Variants in PCDHGB7 observed in about 807,000 individuals in gnomAD.
The protein encoded by PCDHGB7 is protocadherin gamma-B7.
Under a neutral mutation model 61.4 loss-of-function variants are expected in PCDHGB7, and 37 were observed. The observed-to-expected ratio is 0.60, with a 90% CI of 0.46 to 0.79. The LOEUF is 0.79. PCDHGB7 is among the 30% of genes least tolerant of loss of function. The pLI is 0.00. For synonymous variants in PCDHGB7, 464 were observed against 503.5 expected, an observed-to-expected ratio of 0.92 and a Z score of 1.05; for missense variants, 1,166 against 1,202.5, an observed-to-expected ratio of 0.97 and a Z score of 0.45.
chr5:141,485,152 A>T lies in PCDHGB7; in HGVS notation c.2416-9655A>T. 1.3e-6 allele frequency: 2 copies of T among 1,586,090 alleles called. No homozygotes were observed. Among genetic ancestry groups the T allele is most frequent in the Non-Finnish European group, 8.6e-7 (1 of 1,157,176 alleles). ...CTTCATCCGCGTCTCAGGAGCAAGT[A>T]GAGAATTAGCGGGCGGCAGCAATGC... On this transcript the variant is annotated intron_variant, in intron 1 of 3. Coordinates refer to ENST00000398594, the MANE Select transcript of PCDHGB7 (RefSeq NM_018927.4). This position sits in a 1 kb window ranked among gnomAD's most constrained non-coding sequence, Gnocchi z 5.7.
intron 2 of PCDHGB7, among the ~76,000 whole-genome samples, chr5:141,504,451 G>A (rs2099838355): frequency 1.3e-5 from 2 of 152,070 alleles, no homozygotes; most frequent in South Asian, 4.2e-4. Context: ...CTAGTGCCAT[G>A]TGGGGCAGCC....
intron 1 of PCDHGB7, chr5:141,471,546 G>T (rs1271594387): frequency 6.6e-6 from 1 of 152,202 alleles, no homozygotes; most frequent in African/African-American, 2.4e-5. Flanking sequence ...AGCATTTAAG[G>T]TTGCTTTGAC....
chr5:141,444,640 G>A (rs192148868), intron 1 of PCDHGB7, among the ~76,000 whole-genome samples: 3 of 152,196 alleles, frequency 2.0e-5, no homozygotes, highest in Non-Finnish European at 2.9e-5. Flanking sequence ...GTTCATTGAG[G>A]TAGGGGTTGA....
Position 141,487,246 on chromosome 5 carries a change from C to T in PCDHGB7, c.2416-7561C>T. 1 of 1,614,166 alleles carries T rather than the reference C, an allele frequency of 6.2e-7. No individual in the cohort carries two copies. The highest frequency in any genetic ancestry group is 8.5e-7 in the Non-Finnish European group (1 of 1,180,014). ...GGGAAGGAGAATCTCGTCTAACCCTCTACTTGGCTGTGTCCCTAGTGGCAA... is the reference window on the plus strand; with the variant it reads ...GGGAAGGAGAATCTCGTCTAACCCTTTACTTGGCTGTGTCCCTAGTGGCAA... On this transcript the variant is annotated intron_variant, in intron 1 of 3. Coordinates refer to ENST00000398594, the MANE Select transcript of PCDHGB7 (RefSeq NM_018927.4). This position sits in a 1 kb window ranked among gnomAD's most constrained non-coding sequence, Gnocchi z 5.0.
intron 1 of PCDHGB7, chr5:141,422,727 G>T (rs373180311): frequency 6.3e-5 from 102 of 1,606,434 alleles, no homozygotes; most frequent in Non-Finnish European, 2.0e-5. Context: ...TCCAGGGGGT[G>T]CCTCTGTCCT....
At chr5:141,482,840 G>A (rs1343123459) in intron 1 of PCDHGB7, among the ~76,000 whole-genome samples, 2 of 152,212 alleles carry the variant, frequency 1.3e-5, no homozygotes, top group Admixed American at 6.5e-5. Context: ...GGGAGGCCAA[G>A]GTGGGCAGAT....
At chr5:141,483,955 G>A (rs1244162791) in intron 1 of PCDHGB7, among the ~76,000 whole-genome samples, 1 of 144,218 alleles carries the variant, frequency 6.9e-6, no homozygotes, top group African/African-American at 2.6e-5. Flanking sequence ...ATTGTGTTGT[G>A]TTTCTGTGCT....
At chr5:141,467,747 C>T (rs56743829) in intron 1 of PCDHGB7, among the ~76,000 whole-genome samples, 7,097 of 152,110 alleles carry the variant, frequency 0.047, 213 homozygotes, top group Middle Eastern at 0.092. Context: ...CTGCAACCTC[C>T]GCCTCACATG....
chr5:141,510,814 C>CA, intron 3 of PCDHGB7, 133 bp from the exon 4 acceptor site: 1 of 1,544,688 alleles, frequency 6.5e-7, no homozygotes, highest in Admixed American at 1.8e-5. Flanking sequence ...TTGGTGACCC[C>CA]TATATTCCCA....
intron 3 of PCDHGB7, chr5:141,507,010 G>A (rs371780810): frequency 1.3e-5 from 2 of 152,324 alleles, no homozygotes; most frequent in East Asian, 1.9e-4. Flanking sequence ...TGAGAGAACC[G>A]AGAAGGCACT....
chr5:141,496,103 C>G (rs779317844), intron 2 of PCDHGB7, among the ~76,000 whole-genome samples: 1 of 152,100 alleles, frequency 6.6e-6, no homozygotes, highest in Non-Finnish European at 1.5e-5. Flanking sequence ...ACCAACACCC[C>G]GCTCTCTTCC....
intron 1 of PCDHGB7, chr5:141,422,970 C>T (rs1348343583): frequency 1.2e-6 from 2 of 1,614,246 alleles, no homozygotes; most frequent in East Asian, 2.2e-5. Flanking sequence ...TGGCGCCCCG[C>T]TCTGCGGAAC....
At position 141,419,294 on chromosome 5, in the gene PCDHGB7, C is replaced by T. The variant is rs770303087; in HGVS notation, c.1435C>T (p.Pro479Ser). ...CATAGCGCAAGTCAGTGCCTCTGAC[C>T]CAGACTTCGGGCTCAACGGCCGTGT... ...ASIAQVSASD[P>S]DFGLNGRVSY... Residue 479 changes from proline (P) to serine (S), a missense_variant, in exon 1 of 4, where the codon CCA (proline) becomes TCA (serine). Physicochemically the swap from Pro to Ser is moderately conservative, Grantham distance 74. Transcript: ENST00000398594. The T allele has an allele frequency of 1.9e-6, 3 of 1,614,036 alleles. No homozygotes were observed. Among genetic ancestry groups the T allele is most frequent in the East Asian group, 2.2e-5 (1 of 44,886 alleles).
intron 1 of PCDHGB7, among the ~76,000 whole-genome samples, chr5:141,474,926 C>T (rs756761848): frequency 1.3e-5 from 2 of 152,218 alleles, no homozygotes; most frequent in Non-Finnish European, 2.9e-5. Context: ...TCATCTCTGG[C>T]TTATATCACA....
At chr5:141,460,132 T>TAAAA in intron 1 of PCDHGB7, among the ~76,000 whole-genome samples, 1 of 152,036 alleles carries the variant, frequency 6.6e-6, no homozygotes, top group South Asian at 2.1e-4. Context: ...GTAATATATA[T>TAAAA]ATTCTTGATG....
At position 141,489,083 on chromosome 5, in the gene PCDHGB7, T is replaced by G; in HGVS notation, c.2416-5724T>G. On this transcript the variant is annotated intron_variant, in intron 1 of 3. Coordinates refer to ENST00000398594, the MANE Select transcript of PCDHGB7 (RefSeq NM_018927.4). This position sits in a 1 kb window ranked among gnomAD's most constrained non-coding sequence, Gnocchi z 4.5. ...CCTCCCCCCTGCCCACCCCCGCCACTCGGTGACTAAGAACTGCTGCAAGCA... is the reference window on the plus strand; with the variant it reads ...CCTCCCCCCTGCCCACCCCCGCCACGCGGTGACTAAGAACTGCTGCAAGCA... The G allele has an allele frequency of 1.2e-5, 2 of 172,008 alleles. No individual in the cohort carries two copies. Among genetic ancestry groups the G allele is most frequent in the Non-Finnish European group, 2.1e-5 (2 of 94,012 alleles). The allele number at this position is 172,008 out of a possible 1,614,324, so 10.7% of individuals were successfully genotyped here. A position where few individuals can be genotyped will look rare whatever the true frequency, so the allele number is the denominator to read the frequency against.
In PCDHGB7 at chr5:141,476,650, A is replaced by G. The variant is rs2099395609; in HGVS notation, c.2416-18157A>G. 6.2e-7 allele frequency: 1 copy of G among 1,614,126 alleles called. No individual in the cohort carries two copies. The highest frequency in any genetic ancestry group is 1.3e-5 in the African/African-American group (1 of 74,952). On this transcript the variant is annotated intron_variant, in intron 1 of 3. Transcript: ENST00000398594. This position sits in a 1 kb window ranked among gnomAD's most constrained non-coding sequence, Gnocchi z 7.6. Reference sequence around the variant, plus strand: ...AAACCTATGAGCTGAGCCGAAATGAATACTTTGCGCTTCGCGTGCAGACGC... The same window carrying G: ...AAACCTATGAGCTGAGCCGAAATGAGTACTTTGCGCTTCGCGTGCAGACGC...
At chr5:141,430,653 A>G (rs2097300223) in intron 1 of PCDHGB7, 4 of 1,073,410 alleles carry the variant, frequency 3.7e-6, no homozygotes, top group Middle Eastern at 2.4e-4. Context: ...TGTGGAAACA[A>G]CGGAGGAGCT....
chr5:141,418,228 T>C lies in PCDHGB7; in HGVS notation c.369T>C (p.Ile123=). 1.2e-6 allele frequency: 2 copies of C among 1,613,990 alleles called. No homozygotes were observed. Among genetic ancestry groups the C allele is most frequent in the Non-Finnish European group, 1.7e-6 (2 of 1,179,874 alleles). Residue 123 remains isoleucine (I), a synonymous_variant, in exon 1 of 4, where the codon ATT becomes ATC. Coordinates refer to ENST00000398594, the MANE Select transcript of PCDHGB7 (RefSeq NM_018927.4). ...PLNIFHVIVV[I]EDVNDHAPQF... is the part of the protein sequence containing the mutation. ...ATATTTTTCATGTCATTGTGGTGATTGAGGATGTTAATGACCACGCCCCTC... is the reference window on the plus strand; with the variant it reads ...ATATTTTTCATGTCATTGTGGTGATCGAGGATGTTAATGACCACGCCCCTC...
Sources: gnomAD v4.1 joint callset for allele counts (sites outside exome capture counted in the v4.1 genomes callset) on GRCh38, gnomAD v4.1.1 for gene constraint, Gnocchi (gnomAD v3.1) non-coding constraint, MANE v1.5 for transcripts, NCBI Gene and HGNC (gene_info 2026-07-23, HGNC 2026-07-21) for gene names.